The following GRID2 variants were observed in gnomAD, a reference collection of about 807,000 sequenced individuals.
The protein encoded by GRID2 is glutamate ionotropic receptor delta type subunit 2, also known as glutamate receptor ionotropic, delta-2.
A neutral mutation model predicts 114.8 loss-of-function variants in GRID2; 33 were observed. The ratio of observed to expected loss-of-function variants is 0.29; its 90% CI spans 0.22 to 0.38. The LOEUF (loss-of-function observed/expected upper bound fraction) is 0.38. GRID2 is among the 10% of genes least tolerant of loss of function. The probability of loss-of-function intolerance (pLI) is 1.00; values close to 1 mark genes in which losing one functional copy is unlikely to be tolerated. For missense variants in GRID2, 1,184 were observed against 1,257.7 expected, an observed-to-expected ratio of 0.94 and a Z score of 0.89; for synonymous variants, 505 against 449.9, an observed-to-expected ratio of 1.12 and a Z score of -1.55.
chr4:93,158,216 A>G (rs1287655305), intron 4 of GRID2, among the ~76,000 whole-genome samples: 1 of 151,832 alleles, frequency 6.6e-6, no homozygotes, highest in Non-Finnish European at 1.5e-5. Flanking sequence ...GCAATTCGTT[A>G]TGCAGGAGCT....
chr4:93,781,742 C>A (rs1005405406), intron 1 of GRID2, among the ~76,000 whole-genome samples: 3 of 151,980 alleles, frequency 2.0e-5, no homozygotes, highest in Non-Finnish European at 4.4e-5. Flanking sequence ...TTATACTGTA[C>A]AGTTTAGGGA....
At chr4:93,083,237 A>G (rs1264128497) in intron 2 of GRID2, among the ~76,000 whole-genome samples, 4 of 152,174 alleles carry the variant, frequency 2.6e-5, no homozygotes, top group Non-Finnish European at 5.9e-5. Context: ...TAATGGTCAT[A>G]TATACCAAAA....
In GRID2 at chr4:93,416,259, A is replaced by T. The variant is rs544603384; in HGVS notation, c.1348-6512A>T. Among the ~76,000 whole-genome samples the T allele has an allele frequency of 1.4e-4, 21 of 151,928 alleles. No homozygotes were observed. In the East Asian group the frequency reaches 4.1e-3, roughly 29 times the overall value. On this transcript the variant is annotated intron_variant, in intron 9 of 15. Transcript: ENST00000282020. ...TTTCTAATACTCACATATGCTCTAT[A>T]AAAAAAAGTGAGGTTTTTCCAAGAA...
intron 1 of GRID2, among the ~76,000 whole-genome samples, chr4:92,520,932 A>G (rs766471480): frequency 2.6e-5 from 4 of 151,968 alleles, no homozygotes; most frequent in Non-Finnish European, 5.9e-5. Flanking sequence ...TAGAGGAAAT[A>G]GTGAATGATG....
intron 1 of GRID2, among the ~76,000 whole-genome samples, chr4:92,403,495 A>C (rs1730884398): frequency 6.6e-6 from 1 of 151,894 alleles, no homozygotes; most frequent in Non-Finnish European, 1.5e-5. Flanking sequence ...CAGGAGTTTG[A>C]GACCAGCCTG....
intron 8 of GRID2, among the ~76,000 whole-genome samples, chr4:93,265,047 C>A (rs1196946447): frequency 1.3e-5 from 2 of 151,664 alleles, no homozygotes; most frequent in African/African-American, 4.8e-5. Context: ...TCCCAAAGTG[C>A]GGGGATTACA....
intron 4 of GRID2, among the ~76,000 whole-genome samples, chr4:93,134,356 C>T (rs1000293961): frequency 3.9e-5 from 6 of 152,190 alleles, no homozygotes; most frequent in East Asian, 1.9e-4. Flanking sequence ...CTTTGAATTG[C>T]GATCTGAATT....
chr4:93,298,574 C>T (rs1754551934), intron 8 of GRID2, among the ~76,000 whole-genome samples: 1 of 152,218 alleles, frequency 6.6e-6, no homozygotes, highest in Non-Finnish European at 1.5e-5. Context: ...TGGATACAAA[C>T]ATTCATTACA....
rs67636690 is a variant in GRID2, at chr4:93,732,921, T to TA, written c.2361-36276dup. On this transcript the variant is annotated intron_variant, in intron 14 of 15. Coordinates refer to ENST00000282020, the MANE Select transcript of GRID2 (RefSeq NM_001510.4). ...GCATATGTGGGGTCACTTTAAAAAA[T>TA]AAAAAAAAAAAAAGAAGAGAAACTA... Among the ~76,000 whole-genome samples, 190 of 130,320 alleles carry TA rather than the reference T, an allele frequency of 1.5e-3. No individual in the cohort carries two copies. The Middle Eastern group carries it at 0.021, about 14-fold the overall frequency. The allele number at this position is 130,320 out of a possible 152,430, so 85.5% of individuals were successfully genotyped here.
At chr4:93,502,733 C>CA (rs1560689193) in intron 12 of GRID2, among the ~76,000 whole-genome samples, 1 of 141,178 alleles carries the variant, frequency 7.1e-6, no homozygotes, top group African/African-American at 2.6e-5. Context: ...CACACGCACA[C>CA]CACACACACA....
chr4:92,396,391 G>T (rs769078087), intron 1 of GRID2, among the ~76,000 whole-genome samples: 1 of 151,890 alleles, frequency 6.6e-6, no homozygotes, highest in Non-Finnish European at 1.5e-5. Context: ...AATGTTTGCC[G>T]ATTGCTTTTT....
At chr4:93,398,502 T>G (rs1056016902) in intron 9 of GRID2, among the ~76,000 whole-genome samples, 1 of 151,762 alleles carries the variant, frequency 6.6e-6, no homozygotes, top group Non-Finnish European at 1.5e-5. Context: ...GAGTTGAAAA[T>G]GCTTACGTCT....
At chr4:93,004,800 G>T (rs1017566899) in intron 2 of GRID2, among the ~76,000 whole-genome samples, 48 of 151,976 alleles carry the variant, frequency 3.2e-4, no homozygotes, top group Admixed American at 2.9e-3. Flanking sequence ...AATCTCCATT[G>T]TGACAAATTC....
chr4:93,248,172 C>T (rs1748418370), intron 8 of GRID2, among the ~76,000 whole-genome samples: 1 of 152,150 alleles, frequency 6.6e-6, no homozygotes, highest in Non-Finnish European at 1.5e-5. Context: ...CACTGAACAA[C>T]CTAATTCCTA....
intron 2 of GRID2, among the ~76,000 whole-genome samples, chr4:92,639,052 T>C (rs1455689929): frequency 6.6e-6 from 1 of 151,470 alleles, no homozygotes; most frequent in African/African-American, 2.4e-5. Flanking sequence ...AATGGTATTT[T>C]CAATTTGTAA....
At chr4:93,209,491 G>A (rs772659563) in intron 5 of GRID2, among the ~76,000 whole-genome samples, 1 of 151,938 alleles carries the variant, frequency 6.6e-6, no homozygotes, top group Non-Finnish European at 1.5e-5. Flanking sequence ...TTTATCCAGT[G>A]TACTGTTGGT....
At chr4:93,710,777 G>A (rs936165737) in intron 14 of GRID2, among the ~76,000 whole-genome samples, 2 of 152,136 alleles carry the variant, frequency 1.3e-5, no homozygotes, top group Non-Finnish European at 2.9e-5. Flanking sequence ...CTGTGGCTGA[G>A]CTGGTACCCA....
intron 8 of GRID2, among the ~76,000 whole-genome samples, chr4:93,285,830 T>C (rs1753096333): frequency 6.6e-6 from 1 of 152,012 alleles, no homozygotes; most frequent in South Asian, 2.1e-4. Flanking sequence ...GGGGTAAGAT[T>C]GCATAATTTG....
At chr4:92,765,397 A>G (rs1738209283) in intron 2 of GRID2, among the ~76,000 whole-genome samples, 1 of 152,148 alleles carries the variant, frequency 6.6e-6, no homozygotes, top group African/African-American at 2.4e-5. Flanking sequence ...TGTTATACAC[A>G]TATTTTATGG....
Sources: allele counts gnomAD v4.1 joint callset (sites outside exome capture counted in the v4.1 genomes callset), GRCh38; gene constraint gnomAD v4.1.1; transcripts MANE v1.5; gene names NCBI Gene and HGNC (gene_info 2026-07-23, HGNC 2026-07-21).